The following DGKB variants were observed in gnomAD, a reference collection of about 807,000 sequenced individuals.
The protein encoded by DGKB is diacylglycerol kinase beta, also known as 90 kDa diacylglycerol kinase.
DGKB carries 67 observed loss-of-function variants against 114.3 expected under a neutral mutation model. That is an observed-to-expected ratio of 0.59 (90% CI 0.48 to 0.72). The LOEUF is 0.72. Among genes scored for constraint, DGKB ranks in the 30% least tolerant of loss-of-function variants. The probability of loss-of-function intolerance (pLI) is 0.00; values close to 1 mark genes in which losing one functional copy is unlikely to be tolerated. For synonymous variants in DGKB, 398 were observed against 323.1 expected (o/e 1.23, Z -2.49); for missense variants, 907 against 975.2 (o/e 0.93, Z 0.93).
intron 23 of DGKB, among the ~76,000 whole-genome samples, chr7:14,208,851 C>G (rs1054277378): frequency 2.7e-5 from 4 of 150,544 alleles, no homozygotes; most frequent in African/African-American, 9.8e-5. Flanking sequence ...TAGAAATAAA[C>G]AAAAGAATAT....
chr7:14,759,604 G>A (rs889049538), intron 2 of DGKB, among the ~76,000 whole-genome samples: 1 of 151,974 alleles, frequency 6.6e-6, no homozygotes, highest in African/African-American at 2.4e-5. Context: ...CCTTTTTATA[G>A]CTGAATAATA....
At chr7:14,622,232 C>T (rs1391003021) in intron 14 of DGKB, among the ~76,000 whole-genome samples, 3 of 152,088 alleles carry the variant, frequency 2.0e-5, no homozygotes, top group Non-Finnish European at 4.4e-5. Context: ...ACTTGCCTCA[C>T]GTGGCTTCCA....
At chr7:14,258,495 G>A (rs1796270956) in intron 23 of DGKB, among the ~76,000 whole-genome samples, 1 of 152,156 alleles carries the variant, frequency 6.6e-6, no homozygotes, top group Non-Finnish European at 1.5e-5. Flanking sequence ...AAATGCAACA[G>A]GATATTCTCT....
At chr7:14,769,964 A>T (rs1007805483) in intron 2 of DGKB, among the ~76,000 whole-genome samples, 11 of 152,134 alleles carry the variant, frequency 7.2e-5, no homozygotes, top group African/African-American at 2.7e-4. Flanking sequence ...AATAATTTAC[A>T]TTACTTTTCC....
chr7:14,770,357 G>A (rs1017557258), intron 2 of DGKB, among the ~76,000 whole-genome samples: 2 of 151,988 alleles, frequency 1.3e-5, no homozygotes, highest in African/African-American at 2.4e-5. Flanking sequence ...AGGCCAGGAA[G>A]GAGTTCTCCA....
At chr7:14,866,101 A>T (rs966949587) in intron 1 of DGKB, among the ~76,000 whole-genome samples, 3 of 152,122 alleles carry the variant, frequency 2.0e-5, no homozygotes. Context: ...TTAAAGACTT[A>T]ATTTTTCTTA....
intron 2 of DGKB, among the ~76,000 whole-genome samples, chr7:14,792,253 A>C (rs932080367): frequency 2.0e-5 from 3 of 152,164 alleles, no homozygotes; most frequent in Admixed American, 6.6e-5. Flanking sequence ...AATTCAAAAG[A>C]ATGTAATGAA....
chr7:14,566,128 A>C (rs1197703363), intron 20 of DGKB, among the ~76,000 whole-genome samples: 2 of 152,252 alleles, frequency 1.3e-5, no homozygotes, highest in Non-Finnish European at 2.9e-5. Context: ...GAATCATTTT[A>C]TAGAAACTAA....
At chr7:14,758,362 T>A (rs1835190073) in intron 2 of DGKB, among the ~76,000 whole-genome samples, 1 of 152,008 alleles carries the variant, frequency 6.6e-6, no homozygotes, top group South Asian at 2.1e-4. Context: ...AGTATTACAA[T>A]TAAAGTTAAA....
chr7:14,629,476 T>C (rs1002655951), intron 14 of DGKB, among the ~76,000 whole-genome samples: 2 of 152,014 alleles, frequency 1.3e-5, no homozygotes, highest in African/African-American at 4.8e-5. Context: ...ATCCTCTAAA[T>C]AAATTCATAA....
intron 12 of DGKB, among the ~76,000 whole-genome samples, chr7:14,681,601 T>C (rs955404310): frequency 6.6e-6 from 1 of 152,030 alleles, no homozygotes; most frequent in African/African-American, 2.4e-5. Context: ...GTAAAAACTT[T>C]AGTCCTGTAA....
At chr7:14,547,155 C>G (rs1794416052) in intron 20 of DGKB, among the ~76,000 whole-genome samples, 4 of 152,058 alleles carry the variant, frequency 2.6e-5, no homozygotes, top group South Asian at 2.1e-4. Context: ...TTTTTTTATA[C>G]TTAATGTTAC....
chr7:14,641,358 A>C (rs1811763429), intron 13 of DGKB, among the ~76,000 whole-genome samples: 2 of 151,844 alleles, frequency 1.3e-5, no homozygotes, highest in Non-Finnish European at 1.5e-5. Flanking sequence ...ATTTTACAAT[A>C]CAAAGATTTG....
At chr7:14,669,301 C>A (rs1818561591) in intron 13 of DGKB, among the ~76,000 whole-genome samples, 1 of 152,154 alleles carries the variant, frequency 6.6e-6, no homozygotes, top group Non-Finnish European at 1.5e-5. Context: ...TTTACAACGA[C>A]CTAAATTGTC....
At chr7:14,785,317 C>G (rs1174236758) in intron 2 of DGKB, among the ~76,000 whole-genome samples, 1 of 152,054 alleles carries the variant, frequency 6.6e-6, no homozygotes, top group Non-Finnish European at 1.5e-5. Context: ...CAGGCAAACT[C>G]ACTAGCTCAT....
chr7:14,630,217 C>G lies in DGKB; in HGVS notation c.1167+19G>C. The G allele has an allele frequency of 6.5e-7, 1 of 1,533,678 alleles. No individual in the cohort carries two copies. The highest frequency in any genetic ancestry group is 8.8e-7 in the Non-Finnish European group (1 of 1,138,106). On this transcript the variant is annotated intron_variant, in intron 14 of 25. Coordinates refer to ENST00000402815, the MANE Select transcript of DGKB (RefSeq NM_001350709.2). ...TGACCTATAATTTTAAGTGTGAAAACCTGTTTTTGCTTACGCACCTCAGGA... is the reference window on the plus strand; with the variant it reads ...TGACCTATAATTTTAAGTGTGAAAAGCTGTTTTTGCTTACGCACCTCAGGA...
intron 23 of DGKB, among the ~76,000 whole-genome samples, chr7:14,259,599 G>GTATT (rs1796468056): frequency 6.6e-6 from 1 of 152,000 alleles, no homozygotes; most frequent in Non-Finnish European, 1.5e-5. Context: ...GCTAATTTTT[G>GTATT]TATTTTTAGT....
intron 23 of DGKB, among the ~76,000 whole-genome samples, chr7:14,218,184 G>T (rs965489070): frequency 8.6e-5 from 13 of 152,000 alleles, no homozygotes; most frequent in Admixed American, 3.3e-4. Context: ...GTTTCAATAC[G>T]AGGTATTCCA....
intron 20 of DGKB, among the ~76,000 whole-genome samples, chr7:14,573,030 G>A (rs2033408): frequency 0.63 from 96,050 of 151,908 alleles, 30,969 homozygotes; most frequent in East Asian, 0.93. Flanking sequence ...TCTGATTTGC[G>A]TAATAAAAAT....
Sources: allele counts gnomAD v4.1 joint callset (sites outside exome capture counted in the v4.1 genomes callset), GRCh38; gene constraint gnomAD v4.1.1; transcripts MANE v1.5; gene names NCBI Gene and HGNC (gene_info 2026-07-23, HGNC 2026-07-21).